The following MIGA2 variants were observed in gnomAD, a reference collection of about 807,000 sequenced individuals.
The protein encoded by MIGA2 is mitoguardin 2, also known as family with sequence similarity 73, member B.
MIGA2 carries 36 observed loss-of-function variants against 69.9 expected under a neutral mutation model. That is an observed-to-expected ratio of 0.52 (90% CI 0.39 to 0.68). The LOEUF (loss-of-function observed/expected upper bound fraction) is 0.68, where lower values mean the gene tolerates loss of function less well. Ranked by LOEUF, MIGA2 falls within the 30% of genes least tolerant of loss-of-function variation. The probability of loss-of-function intolerance (pLI) is 0.00; values close to 1 mark genes in which losing one functional copy is unlikely to be tolerated. For missense variants in MIGA2, 660 were observed against 787.7 expected (o/e 0.84, Z 1.94); for synonymous variants, 333 against 349.2 (o/e 0.95, Z 0.52).
intron 1 of MIGA2, among the ~76,000 whole-genome samples, chr9:129,039,276 C>T (rs1348893924): frequency 6.6e-6 from 1 of 151,408 alleles, no homozygotes; most frequent in Non-Finnish European, 1.5e-5. Context: ...GATGGAGTCT[C>T]ACTCTATTGC....
intron 6 of MIGA2, among the ~76,000 whole-genome samples, chr9:129,053,242 C>G (rs1232084952): frequency 6.6e-6 from 1 of 152,142 alleles, no homozygotes; most frequent in African/African-American, 2.4e-5. Flanking sequence ...AGTTAATGAT[C>G]TGTGGCATAT....
intron 3 of MIGA2, among the ~76,000 whole-genome samples, chr9:129,042,967 G>A (rs1844998132): frequency 1.3e-5 from 2 of 152,264 alleles, no homozygotes; most frequent in South Asian, 4.1e-4. Context: ...AGCCGAGGCG[G>A]GCAGATCACA....
chr9:129,049,613 C>T, intron 5 of MIGA2, 115 bp downstream of exon 5: 1 of 1,254,336 alleles, frequency 8.0e-7, no homozygotes, highest in Non-Finnish European at 1.1e-6. Flanking sequence ...GCCCCAAATC[C>T]CAACTGGGTG....
intron 6 of MIGA2, among the ~76,000 whole-genome samples, chr9:129,054,788 ATGC>A (rs1845712139): frequency 2.0e-5 from 3 of 152,220 alleles, no homozygotes. Context: ...CTTATGAATA[ATGC>A]TGCTGTGAAC....
chr9:129,064,006 TCTA>T (rs1405300651), intron 11 of MIGA2, among the ~76,000 whole-genome samples: 1 of 152,152 alleles, frequency 6.6e-6, no homozygotes, highest in African/African-American at 2.4e-5. Flanking sequence ...TAATCTTCCT[TCTA>T]CTGCTCTCTT....
Position 129,069,815 on chromosome 9 carries a change from C to T in MIGA2, c.1459-34C>T. 2 of 1,507,834 alleles carry T rather than the reference C, an allele frequency of 1.3e-6. No homozygotes were observed. The highest frequency in any genetic ancestry group is 1.1e-5 in the South Asian group (1 of 88,940). The allele number at this position is 1,507,834 out of a possible 1,614,324, so 93.4% of individuals were successfully genotyped here. A position where few individuals can be genotyped will look rare whatever the true frequency, so the allele number is the denominator to read the frequency against. On this transcript the variant is annotated intron_variant, in intron 14 of 15. Coordinates refer to ENST00000684074, the MANE Select transcript of MIGA2 (RefSeq NM_001329990.2). The surrounding 1 kb of genome is among the most constrained non-coding windows in gnomAD (Gnocchi z 4.9). ...CCTGGTGCCCTCATCCTACCTGGGC[C>T]CCGCCTGGCCCCTCAGCCTTGTGCC...
intron 11 of MIGA2, among the ~76,000 whole-genome samples, chr9:129,064,816 C>G (rs1395624144): frequency 6.6e-6 from 1 of 150,700 alleles, no homozygotes; most frequent in Non-Finnish European, 1.5e-5. Context: ...GGGTTTCACT[C>G]CCGCCACCCA....
At chr9:129,045,849 GT>G (rs373346685) in intron 3 of MIGA2, among the ~76,000 whole-genome samples, 102 of 136,012 alleles carry the variant, frequency 7.5e-4, no homozygotes, top group East Asian at 1.9e-3. Context: ...TAAGTGTTTT[GT>G]TTTTTTTTTT....
chr9:129,043,705 T>A (rs1845048750), intron 3 of MIGA2, among the ~76,000 whole-genome samples: 1 of 145,204 alleles, frequency 6.9e-6, no homozygotes, highest in Admixed American at 6.9e-5. Flanking sequence ...CTTTCTACTC[T>A]TTTTTTTTTT....
chr9:129,062,614 C>T (rs1407045144), intron 9 of MIGA2, among the ~76,000 whole-genome samples: 3 of 151,414 alleles, frequency 2.0e-5, no homozygotes, highest in African/African-American at 7.3e-5. Context: ...GAGGCCAAAG[C>T]AGGCAGATCA....
In MIGA2 at chr9:129,069,050, CG is replaced by C; in HGVS notation, c.1405-21del. The C allele has an allele frequency of 6.2e-7, 1 of 1,613,756 alleles. No homozygotes were observed. The highest frequency in any genetic ancestry group is 8.5e-7 in the Non-Finnish European group (1 of 1,179,852). On this transcript the variant is annotated intron_variant, in intron 13 of 15. Transcript: ENST00000684074. The surrounding 1 kb of genome is among the most constrained non-coding windows in gnomAD (Gnocchi z 4.9). ...TGTGGGCTAGGCCCATTTTGACACC[CG>C]GGGGACATCCTATTTTTGATGTAGG...
In MIGA2 at chr9:129,049,855, G is replaced by C; in HGVS notation, c.567G>C (p.Gln189His). Residue 189 changes from glutamine (Q) to histidine (H), a missense_variant, in exon 6 of 16, where the codon CAG (glutamine) becomes CAC (histidine). This residue lies in a region of MIGA2 where 386 missense variants were observed against 402.0 expected (regional missense o/e 0.96). Transcript: ENST00000684074. ...QGMELFEEAL[Q>H]KWEQALSVGQ... ...TGGAGCTGTTTGAGGAAGCTCTGCA[G>C]AAGTGGGAGCAGGCACTAAGCGTGG... is the stretch of plus-strand genomic sequence containing the variant. The C allele has an allele frequency of 6.2e-7, 1 of 1,614,082 alleles. No homozygotes were observed. Among genetic ancestry groups the C allele is most frequent in the Non-Finnish European group, 8.5e-7 (1 of 1,180,028 alleles).
chr9:129,039,175 T>TGTG (rs1844758306), intron 1 of MIGA2, among the ~76,000 whole-genome samples: 56 of 139,904 alleles, frequency 4.0e-4, no homozygotes, highest in Admixed American at 2.3e-3. Context: ...AGCTCTTTGT[T>TGTG]TGTGTGTGTG....
In MIGA2 at chr9:129,061,431, G is replaced by A. The variant is rs1024770414; in HGVS notation, c.1010+85G>A. 16 of 1,256,358 alleles carry A rather than the reference G, an allele frequency of 1.3e-5. No homozygotes were observed. The South Asian group carries it at 2.2e-4, about 17-fold the overall frequency. The allele number at this position is 1,256,358 out of a possible 1,614,324, so 77.8% of individuals were successfully genotyped here. The stretch of plus-strand genomic sequence containing the variant: ...TGCGGGAGGCGGAGAAGCCAGCGGT[G>A]CTTGGCGAGGACTTAGCCTGAGTGA... On this transcript the variant is annotated intron_variant, in intron 9 of 15. Transcript: ENST00000684074. The surrounding 1 kb of genome is among the most constrained non-coding windows in gnomAD (Gnocchi z 5.0).
intron 11 of MIGA2, among the ~76,000 whole-genome samples, chr9:129,064,788 T>G (rs1223188315): frequency 2.0e-5 from 3 of 151,140 alleles, no homozygotes; most frequent in African/African-American, 7.3e-5. Flanking sequence ...CAATCTTGTT[T>G]TTTTTTTTTT....
In MIGA2 at chr9:129,061,358, T is replaced by TGGAG. The variant is rs761669500; in HGVS notation, c.1010+29_1010+32dup. The TGGAG allele has an allele frequency of 5.7e-6, 5 of 881,764 alleles. No individual in the cohort carries two copies. Among genetic ancestry groups the TGGAG allele is most frequent in the African/African-American group, 1.7e-5 (1 of 58,172 alleles). The allele number at this position is 881,764 out of a possible 1,614,324, so 54.6% of individuals were successfully genotyped here. A position where few individuals can be genotyped will look rare whatever the true frequency, so the allele number is the denominator to read the frequency against. On this transcript the variant is annotated intron_variant, in intron 9 of 15. Transcript: ENST00000684074. This position sits in a 1 kb window ranked among gnomAD's most constrained non-coding sequence, Gnocchi z 5.0. Reference sequence around the variant, plus strand: ...TGCCGGACCCTCAGGTGAGCAGGTGTGGAGGGAGGGAGGGAGGGAGCAGGA... The same window carrying TGGAG: ...TGCCGGACCCTCAGGTGAGCAGGTGTGGAGGGAGGGAGGGAGGGAGGGAGCAGGA...
intron 3 of MIGA2, among the ~76,000 whole-genome samples, chr9:129,043,606 C>T (rs1222555046): frequency 2.0e-5 from 3 of 151,552 alleles, no homozygotes; most frequent in African/African-American, 7.3e-5. Context: ...AGGCTGCTCT[C>T]GAACTCCTGA....
chr9:129,060,811 G>T lies in MIGA2; in HGVS notation c.894+161G>T, dbSNP rs942751838. 1.3e-5 allele frequency among the ~76,000 whole-genome samples: 2 copies of T among 151,666 alleles called. No individual in the cohort carries two copies. Among genetic ancestry groups the T allele is most frequent in the African/African-American group, 2.4e-5 (1 of 41,356 alleles). ...TCCTCGAAGCTGTTGGGGATGGGGG[G>T]TGCTGAGAAATCGGGGGCTGTTGTC... On this transcript the variant is annotated intron_variant, in intron 8 of 15. Transcript: ENST00000684074. This position sits in a 1 kb window ranked among gnomAD's most constrained non-coding sequence, Gnocchi z 4.8.
At chr9:129,041,161 G>T (rs80130143) in intron 2 of MIGA2, among the ~76,000 whole-genome samples, 4 of 152,062 alleles carry the variant, frequency 2.6e-5, no homozygotes, top group African/African-American at 9.7e-5. Context: ...ATGGTGAAAC[G>T]CTATCTCTAC....
Sources: gnomAD v4.1 joint callset for allele counts (sites outside exome capture counted in the v4.1 genomes callset) on GRCh38, gnomAD v4.1.1 for gene constraint, gnomAD v4.1.1 regional missense constraint, Gnocchi (gnomAD v3.1) non-coding constraint, MANE v1.5 for transcripts, NCBI Gene and HGNC (gene_info 2026-07-23, HGNC 2026-07-21) for gene names.